Variants in FBXL13 observed in about 807,000 individuals in gnomAD.
The protein encoded by FBXL13 is F-box and leucine rich repeat protein 13, also known as F-box and leucine-rich repeat protein 13.
In FBXL13, 67 loss-of-function variants were observed where a neutral mutation model predicts 83.6. That is an observed-to-expected ratio of 0.80 (90% confidence interval 0.66 to 0.98). FBXL13 has a LOEUF of 0.98. FBXL13 is among the 50% of genes least tolerant of loss of function. FBXL13 has a pLI of 0.00. For missense variants in FBXL13, 822 were observed against 866.5 expected, an observed-to-expected ratio of 0.95 and a Z score of 0.64; for synonymous variants, 272 against 299.5, an observed-to-expected ratio of 0.91 and a Z score of 0.95.
At chr7:102,999,391 C>T (rs1440759457) in intron 6 of FBXL13, among the ~76,000 whole-genome samples, 1 of 152,028 alleles carries the variant, frequency 6.6e-6, no homozygotes, top group Admixed American at 6.6e-5. Context: ...CATGTTGTCC[C>T]CTTGTCTGGT....
At chr7:102,903,950 T>C (rs987498941) in intron 11 of FBXL13, among the ~76,000 whole-genome samples, 2 of 143,414 alleles carry the variant, frequency 1.4e-5, no homozygotes, top group African/African-American at 2.6e-5. Context: ...TTTTTTTTTT[T>C]TTTTTTTTTT....
At chr7:102,900,135 G>C (rs1812782645) in intron 11 of FBXL13, among the ~76,000 whole-genome samples, 1 of 152,090 alleles carries the variant, frequency 6.6e-6, no homozygotes, top group Non-Finnish European at 1.5e-5. Flanking sequence ...TTTTATTGCA[G>C]CTCTTCATCA....
At position 102,934,596 on chromosome 7, in the gene FBXL13, G is replaced by A. The variant is rs919990646; in HGVS notation, c.725-2663C>T. ...TTGGACCCGAAACCCCAAGTGTCAG[G>A]GAGACCCCCAGTCATCAAGCCTGAG... On this transcript the variant is annotated intron_variant, in intron 8 of 19. Transcript: ENST00000313221. The A allele has an allele frequency of 3.1e-6, 5 of 1,613,934 alleles. No individual in the cohort carries two copies. Among genetic ancestry groups the A allele is most frequent in the Admixed American group, 1.7e-5 (1 of 59,992 alleles).
At chr7:103,001,150 A>T (rs987594562) in intron 6 of FBXL13, among the ~76,000 whole-genome samples, 2 of 151,642 alleles carry the variant, frequency 1.3e-5, no homozygotes, top group Admixed American at 6.6e-5. Context: ...TTGTAGAGAC[A>T]GGGTTTCACC....
chr7:102,820,310 G>A (rs1798623841), intron 19 of FBXL13, among the ~76,000 whole-genome samples: 1 of 152,208 alleles, frequency 6.6e-6, no homozygotes, highest in African/African-American at 2.4e-5. Context: ...CATAGGGACA[G>A]CCAAGTTTGA....
At chr7:102,934,446 T>C in intron 8 of FBXL13, 2 of 1,614,212 alleles carry the variant, frequency 1.2e-6, no homozygotes, top group Non-Finnish European at 1.7e-6. Context: ...ATTTCAATGT[T>C]GCAGATTCCC....
chr7:102,975,954 G>GT, intron 6 of FBXL13: 1 of 765,600 alleles, frequency 1.3e-6, no homozygotes, highest in East Asian at 2.4e-5. Flanking sequence ...ACCTCCACCT[G>GT]GTGCCTGCTT....
At chr7:102,945,957 C>T (rs1305709286) in intron 8 of FBXL13, among the ~76,000 whole-genome samples, 1 of 152,174 alleles carries the variant, frequency 6.6e-6, no homozygotes, top group African/African-American at 2.4e-5. Context: ...TCTCAGCTCG[C>T]TGCAACCTAC....
chr7:103,011,591 T>G (rs977785777), intron 6 of FBXL13, among the ~76,000 whole-genome samples: 1 of 143,694 alleles, frequency 7.0e-6, no homozygotes, highest in Non-Finnish European at 1.5e-5. Context: ...TAAGGGAAGA[T>G]AGCACCACTA....
At chr7:102,840,243 A>C (rs76490467) in intron 17 of FBXL13, among the ~76,000 whole-genome samples, 1,656 of 152,350 alleles carry the variant, frequency 0.011, 36 homozygotes, top group African/African-American at 0.038. Context: ...TTATTGAGAA[A>C]AATTTTAGAA....
intron 8 of FBXL13, among the ~76,000 whole-genome samples, chr7:102,962,975 A>T (rs571100779): frequency 8.0e-6 from 1 of 124,806 alleles, no homozygotes; most frequent in South Asian, 2.8e-4. Context: ...TAAAACTTAA[A>T]GGATAATAAA....
intron 17 of FBXL13, among the ~76,000 whole-genome samples, chr7:102,836,444 C>A (rs987980136): frequency 2.6e-5 from 4 of 152,216 alleles, no homozygotes; most frequent in African/African-American, 9.6e-5. Context: ...TTCCCCCCTA[C>A]AGATAAGATT....
At chr7:102,931,593 A>G (rs1210035678) in intron 9 of FBXL13, among the ~76,000 whole-genome samples, 6 of 152,090 alleles carry the variant, frequency 3.9e-5, no homozygotes, top group Admixed American at 3.3e-4. Context: ...CTGGGGCCCA[A>G]TTTTTTTCTG....
Position 103,047,644 on chromosome 7 carries a change from T to C in FBXL13, c.-1+8000A>G, listed in dbSNP as rs192608216. ...TAACTTAACATAATAACTATAATTATGGTTGACAGTATATACTCAGACATA... is the reference window on the plus strand; with the variant it reads ...TAACTTAACATAATAACTATAATTACGGTTGACAGTATATACTCAGACATA... On this transcript the variant is annotated intron_variant, in intron 2 of 19. Coordinates refer to ENST00000313221, the Ensembl canonical transcript of FBXL13. 3.0e-3 allele frequency among the ~76,000 whole-genome samples: 451 copies of C among 152,346 alleles called. 3 individuals carry two copies. The highest frequency in any genetic ancestry group is 3.7e-3 in the Non-Finnish European group (251 of 68,034).
intron 6 of FBXL13, among the ~76,000 whole-genome samples, chr7:102,994,031 G>A (rs1829842147): frequency 6.6e-6 from 1 of 152,138 alleles, no homozygotes; most frequent in Non-Finnish European, 1.5e-5. Flanking sequence ...AAGTCCCTGA[G>A]TTAGTGAACC....
At chr7:102,933,849 T>G in intron 8 of FBXL13, 2 of 1,463,686 alleles carry the variant, frequency 1.4e-6, no homozygotes, top group South Asian at 1.4e-5. Context: ...AGACTTGGAT[T>G]TCAAAGGAAT....
chr7:102,952,813 G>A (rs113489882), intron 8 of FBXL13, among the ~76,000 whole-genome samples: 31,059 of 151,848 alleles, frequency 0.2, 3,581 homozygotes, highest in African/African-American at 0.32. Flanking sequence ...GCAAAACCCC[G>A]TCTCTACTCA....
At chr7:102,982,734 G>A (rs752542211) in intron 6 of FBXL13, among the ~76,000 whole-genome samples, 7 of 152,074 alleles carry the variant, frequency 4.6e-5, no homozygotes, top group Admixed American at 6.5e-5. Context: ...TGATTGTGAG[G>A]CCTCCCCAGC....
Position 102,920,109 on chromosome 7 carries a change from C to T in FBXL13, c.878+6165G>A, listed in dbSNP as rs114165867. On this transcript the variant is annotated intron_variant, in intron 10 of 19. Coordinates refer to ENST00000313221, the Ensembl canonical transcript of FBXL13. ...GGGACAATTGAAGTGTATTAGATCA[C>T]TGTGTACCACAGGAGTAGTCAAAAG... Among the ~76,000 whole-genome samples the T allele has an allele frequency of 3.7e-3, 568 of 152,302 alleles. 5 individuals carry two copies. The highest frequency in any genetic ancestry group is 0.013 in the African/African-American group (561 of 41,568).
Sources: allele counts gnomAD v4.1 joint callset (sites outside exome capture counted in the v4.1 genomes callset), GRCh38; gene constraint gnomAD v4.1.1; transcripts MANE v1.5; gene names NCBI Gene and HGNC (gene_info 2026-07-23, HGNC 2026-07-21).